IRAG2: variants seen among roughly 807,000 people sequenced by gnomAD.
IRAG2 encodes the protein lymphoid restricted membrane protein.
A neutral mutation model predicts 69.9 loss-of-function variants in IRAG2; 45 were observed. That is an observed-to-expected ratio of 0.64 (90% CI 0.51 to 0.83). IRAG2 has a LOEUF of 0.83. IRAG2 is among the 40% of genes least tolerant of loss of function. The pLI is 0.00. For synonymous variants in IRAG2, 193 were observed against 202.4 expected, an observed-to-expected ratio of 0.95 and a Z score of 0.40; for missense variants, 520 against 587.0, an observed-to-expected ratio of 0.89 and a Z score of 1.18.
chr12:25,079,100 C>G (rs768319418), intron 6 of IRAG2, 144 bp from the exon 7 acceptor site: 1 of 736,578 alleles, frequency 1.4e-6, no homozygotes, highest in Non-Finnish European at 2.4e-6. Context: ...CTGCCCTATA[C>G]CATCCCATTC....
chr12:25,094,241 CATT>C (rs1431770869), intron 14 of IRAG2, among the ~76,000 whole-genome samples: 1 of 151,832 alleles, frequency 6.6e-6, no homozygotes, highest in East Asian at 1.9e-4. Context: ...GTATTTAATC[CATT>C]TTGAGTTAAT....
intron 16 of IRAG2, among the ~76,000 whole-genome samples, chr12:25,041,116 G>A (rs1371633479): frequency 1.3e-5 from 2 of 152,136 alleles, no homozygotes; most frequent in African/African-American, 4.8e-5. Flanking sequence ...AGAGCAAGGA[G>A]CCGGTGCCAG....
intron 21 of IRAG2, 76 bp downstream of exon 21, chr12:25,107,126 C>A: frequency 3.0e-6 from 2 of 675,630 alleles, no homozygotes; most frequent in Non-Finnish European, 2.4e-6. Flanking sequence ...AGTATTAATC[C>A]TAATCAAATT....
At chr12:25,051,641 T>C (rs1356787666), upstream of IRAG2, among the ~76,000 whole-genome samples, 2 of 152,144 alleles carry the variant, frequency 1.3e-5, no homozygotes, top group Admixed American at 1.3e-4. Context: ...GGAAGGGTGA[T>C]GGGGAGAAAA....
chr12:25,077,613 A>G (rs1460579392), intron 6 of IRAG2, among the ~76,000 whole-genome samples: 1 of 151,826 alleles, frequency 6.6e-6, no homozygotes, highest in South Asian at 2.1e-4. Flanking sequence ...TAGGATTTGT[A>G]TTATATATTT....
intron 8 of IRAG2, among the ~76,000 whole-genome samples, chr12:25,025,508 C>CAAAAT (rs1565528889): frequency 6.7e-6 from 1 of 150,364 alleles, no homozygotes; most frequent in Non-Finnish European, 1.5e-5. Context: ...TTTTTTAAAA[C>CAAAAT]AAAACAAAAC....
At chr12:25,068,151 C>G (rs952638997) in intron 5 of IRAG2, among the ~76,000 whole-genome samples, 3 of 151,716 alleles carry the variant, frequency 2.0e-5, no homozygotes, top group Non-Finnish European at 4.4e-5. Context: ...TTGTATTTTT[C>G]ACAGAGACAA....
intron 14 of IRAG2, chr12:25,035,859 C>G (rs979558688): frequency 1.8e-5 from 7 of 398,150 alleles, no homozygotes; most frequent in African/African-American, 1.4e-4. Context: ...TGACCTGCAA[C>G]CTGTTTGCTG....
upstream of IRAG2, chr12:25,052,265 A>G (rs887582205): frequency 1.5e-5 from 6 of 390,832 alleles, no homozygotes; most frequent in East Asian, 3.6e-5. Flanking sequence ...TTAAACAACT[A>G]CAGGAAGATG....
At chr12:25,011,044 A>G (rs1047455556) in intron 2 of IRAG2, among the ~76,000 whole-genome samples, 5 of 152,218 alleles carry the variant, frequency 3.3e-5, no homozygotes, top group African/African-American at 1.2e-4. Context: ...GAAATTATTG[A>G]TTACATATAT....
intron 13 of IRAG2, 96 bp downstream of exon 13, chr12:25,089,886 G>C (rs192286136): frequency 1.8e-5 from 25 of 1,368,348 alleles, no homozygotes; most frequent in Non-Finnish European, 2.4e-5. Flanking sequence ...TCATATGCTC[G>C]GTGTCTGTTT....
intron 1 of IRAG2, among the ~76,000 whole-genome samples, chr12:25,054,650 G>C (rs1945116354): frequency 6.6e-6 from 1 of 152,118 alleles, no homozygotes; most frequent in African/African-American, 2.4e-5. Context: ...GGATAACGTA[G>C]AGTGGACACT....
intron 7 of IRAG2, among the ~76,000 whole-genome samples, chr12:25,021,716 C>T (rs530190547): frequency 1.2e-4 from 19 of 152,212 alleles, no homozygotes; most frequent in African/African-American, 4.3e-4. Context: ...AAAGTCATTC[C>T]GACTAATTTG....
chr12:25,053,455 A>C (rs1944993136), intron 1 of IRAG2, among the ~76,000 whole-genome samples: 1 of 152,062 alleles, frequency 6.6e-6, no homozygotes. Context: ...AATTCTTTTA[A>C]AGTTTTAATG....
chr12:25,015,561 A>G (rs967032725), intron 5 of IRAG2: 2 of 481,256 alleles, frequency 4.2e-6, no homozygotes, highest in Non-Finnish European at 6.6e-6. Context: ...AACTGATTTT[A>G]AATTCTTCAC....
At position 25,045,679 on chromosome 12, in the gene IRAG2, A is replaced by C. The variant is rs959006061; in HGVS notation, c.2145-6556A>C. Among the ~76,000 whole-genome samples, 19 of 152,102 alleles carry C rather than the reference A, an allele frequency of 1.2e-4. No homozygotes were observed. In the South Asian group the frequency reaches 1.9e-3, roughly 15 times the overall value. The stretch of plus-strand genomic sequence containing the variant: ...CATCATATTTCTTTATGAATCATGA[A>C]GAAATTGAAAATCTGAAAAGATCTA... On this transcript the variant is annotated intron_variant, in intron 16 of 38. Transcript: ENST00000636465.
chr12:25,089,757 C>A lies in IRAG2; in HGVS notation c.438-6C>A. 1 of 1,613,208 alleles carries A rather than the reference C, an allele frequency of 6.2e-7. No homozygotes were observed. ...GTTTAAATATGTTTTTTGTCTTATC[C>A]TACAGCACTTCTGCTAATGAGAAGG... On this transcript the variant is annotated splice_region_variant and splice_polypyrimidine_tract_variant and intron_variant, in intron 12 of 21. Coordinates refer to ENST00000556887, the MANE Select transcript of IRAG2 (RefSeq NM_001366544.2).
chr12:25,025,352 C>A (rs1014656900), intron 8 of IRAG2, among the ~76,000 whole-genome samples: 1 of 152,176 alleles, frequency 6.6e-6, no homozygotes, highest in Non-Finnish European at 1.5e-5. Flanking sequence ...AGCTGAAAAT[C>A]GTGAGGCTGC....
At chr12:25,077,078 A>T (rs910746000) in intron 6 of IRAG2, among the ~76,000 whole-genome samples, 1 of 149,610 alleles carries the variant, frequency 6.7e-6, no homozygotes, top group African/African-American at 2.5e-5. Context: ...CATGTTGCTC[A>T]TGTTGGTCTC....
Sources: gnomAD v4.1 joint callset for allele counts (sites outside exome capture counted in the v4.1 genomes callset) on GRCh38, gnomAD v4.1.1 for gene constraint, MANE v1.5 for transcripts, NCBI Gene and HGNC (gene_info 2026-07-23, HGNC 2026-07-21) for gene names.